Variants in PPIE observed in about 807,000 individuals in gnomAD.
PPIE encodes the protein peptidyl-prolyl cis-trans isomerase E.
PPIE carries 20 observed loss-of-function variants against 38.4 expected under a neutral mutation model. That is an observed-to-expected ratio of 0.52 (90% CI 0.37 to 0.76). The LOEUF (loss-of-function observed/expected upper bound fraction) is 0.76, where lower values mean the gene tolerates loss of function less well. Among genes scored for constraint, PPIE ranks in the 30% least tolerant of loss-of-function variants. The pLI, the probability that PPIE is intolerant of heterozygous loss-of-function variation, is 0.00. For synonymous variants in PPIE, 142 were observed against 135.7 expected (o/e 1.05, Z -0.32); for missense variants, 322 against 385.8 (o/e 0.83, Z 1.39).
intron 8 of PPIE, among the ~76,000 whole-genome samples, chr1:39,751,879 C>T (rs775082878): frequency 6.6e-5 from 10 of 152,178 alleles, no homozygotes; most frequent in Non-Finnish European, 1.5e-4. Context: ...CAGAGGATCA[C>T]GTGAGTTCAG....
At chr1:39,741,516 C>A (rs536462089) in intron 3 of PPIE, 107 bp downstream of exon 3, 122 of 1,154,354 alleles carry the variant, frequency 1.1e-4, no homozygotes, top group Non-Finnish European at 1.5e-4. Flanking sequence ...TAGGCTGATG[C>A]TTCCAGAGAG....
At chr1:39,753,220 G>C (rs1647933890) in intron 9 of PPIE, 67 bp from the exon 10 acceptor site, 1 of 1,600,518 alleles carries the variant, frequency 6.2e-7, no homozygotes, top group Non-Finnish European at 8.5e-7. Flanking sequence ...TGGGCAGGCA[G>C]GGGTTGGTAT....
chr1:39,753,189 T>G, intron 9 of PPIE, 98 bp from the exon 10 acceptor site: 1 of 1,586,912 alleles, frequency 6.3e-7, no homozygotes, highest in East Asian at 2.2e-5. Context: ...CTGCCCAGGT[T>G]CCGGGGTGGA....
intron 5 of PPIE, 148 bp from the exon 6 acceptor site, chr1:39,743,675 TG>T: frequency 3.1e-6 from 2 of 636,978 alleles, no homozygotes; most frequent in Non-Finnish European, 5.4e-6. Context: ...ACATTCTGGA[TG>T]GGAACTTTCC....
chr1:39,762,396 C>T, intron 9 of PPIE: 2 of 1,303,190 alleles, frequency 1.5e-6, no homozygotes, highest in Non-Finnish European at 2.1e-6. Flanking sequence ...ATACCAGGAA[C>T]TGGGATTCTA....
Position 39,754,571 on chromosome 1 carries a change from A to G in PPIE, c.*1216A>G, listed in dbSNP as rs903566844. On this transcript the variant is annotated 3_prime_UTR_variant, in exon 10 of 10. Transcript: ENST00000324379. ...TACTGACTTAAATATTAATCCATCTAAAAAATAGGCCAGGCATGGTGGCTC... is the reference window on the plus strand; with the variant it reads ...TACTGACTTAAATATTAATCCATCTGAAAAATAGGCCAGGCATGGTGGCTC... Among the ~76,000 whole-genome samples, 1 of 152,188 alleles carries G rather than the reference A, an allele frequency of 6.6e-6. No individual in the cohort carries two copies. Among genetic ancestry groups the G allele is most frequent in the Non-Finnish European group, 1.5e-5 (1 of 68,044 alleles).
chr1:39,759,319 G>A (rs1648636436), downstream of PPIE: 1 of 152,342 alleles, frequency 6.6e-6, no homozygotes, highest in Admixed American at 6.5e-5. Context: ...TGATCAGCCT[G>A]TTTTTGATGG....
Position 39,753,578 on chromosome 1 carries a change from C to T in PPIE, c.*223C>T, listed in dbSNP as rs1291935404. 1.5e-6 allele frequency: 2 copies of T among 1,371,840 alleles called. No individual in the cohort carries two copies. Among genetic ancestry groups the T allele is most frequent in the African/African-American group, 2.9e-5 (2 of 67,976 alleles). The allele number at this position is 1,371,840 out of a possible 1,614,324, so 85.0% of individuals were successfully genotyped here. A position where few individuals can be genotyped will look rare whatever the true frequency, so the allele number is the denominator to read the frequency against. On this transcript the variant is annotated 3_prime_UTR_variant, in exon 10 of 10. Transcript: ENST00000324379. The stretch of plus-strand genomic sequence containing the variant: ...CAGGAGCCAGCTCAGGTGCTCCCCT[C>T]CACCATGGGCAGGCTGTGCAAAAAG...
intron 4 of PPIE, 107 bp from the exon 5 acceptor site, chr1:39,743,109 G>A: frequency 1.0e-6 from 1 of 977,540 alleles, no homozygotes; most frequent in East Asian, 2.6e-5. Context: ...GAGGCCCAGG[G>A]ATTAAGGGAG....
Position 39,739,009 on chromosome 1 carries a change from C to G in PPIE, c.31+78C>G, listed in dbSNP as rs900377512. 2.2e-6 allele frequency: 3 copies of G among 1,349,750 alleles called. No homozygotes were observed. In the East Asian group the frequency reaches 8.8e-5, roughly 40 times the overall value. 83.6% of individuals were successfully genotyped at this position (1,349,750 alleles called of 1,614,324 possible). On this transcript the variant is annotated intron_variant, in intron 1 of 9. Coordinates refer to ENST00000324379, the MANE Select transcript of PPIE (RefSeq NM_006112.4). ...TCGGGGCGTGGGGTGGGACGCATCT[C>G]TGAACCAGGAGGACGGCGAGCTGCT...
chr1:39,752,874 A>G, intron 8 of PPIE, 36 bp from the exon 9 acceptor site: 10 of 1,595,408 alleles, frequency 6.3e-6, no homozygotes, highest in Non-Finnish European at 8.5e-6. Context: ...GCTGGTAGCC[A>G]GGGTTCGGGG....
In PPIE at chr1:39,753,331, C is replaced by T. The variant is rs146467977; in HGVS notation, c.882C>T (p.Ile294=). The change falls in exon 10 of 10, where the codon ATC becomes ATT. Residue 294 remains isoleucine (I), a synonymous_variant. Transcript: ENST00000324379. ...GGAAGCCAAAGCAGAAGGTGATCATCGCCGACTGTGGGGAGTACGTGTGAG... is the reference window on the plus strand; with the variant it reads ...GGAAGCCAAAGCAGAAGGTGATCATTGCCGACTGTGGGGAGTACGTGTGAG... ...KDGKPKQKVI[I]ADCGEYV 2.0e-5 allele frequency: 32 copies of T among 1,614,060 alleles called. No individual in the cohort carries two copies. The highest frequency in any genetic ancestry group is 1.7e-4 in the African/African-American group (13 of 74,944).
At chr1:39,760,576 G>C, downstream of PPIE, 1 of 1,613,024 alleles carries the variant, frequency 6.2e-7, no homozygotes, top group South Asian at 1.1e-5. Flanking sequence ...CACCTGGCCA[G>C]GAAGAGGGCA....
At chr1:39,762,035 A>G (rs1286424999) in intron 9 of PPIE, among the ~76,000 whole-genome samples, 1 of 152,180 alleles carries the variant, frequency 6.6e-6, no homozygotes, top group East Asian at 1.9e-4. Context: ...TGAGAACCAC[A>G]CGGCATAAAG....
At chr1:39,759,616 C>T (rs1357572703), downstream of PPIE, 1 of 152,242 alleles carries the variant, frequency 6.6e-6, no homozygotes, top group Non-Finnish European at 1.5e-5. Context: ...CATGCTTGCT[C>T]AGCAAAGGGA....
chr1:39,738,912 C>T lies in PPIE; in HGVS notation c.12C>T (p.Thr4=), dbSNP rs200069647. The change falls in exon 1 of 10, where the codon ACC becomes ACT. Residue 4 remains threonine (T), a synonymous_variant. Transcript: ENST00000324379. ...AGCGCGCGAGCAAGATGGCCACCAC[C>T]AAGCGCGTCTTGTACGTGGGTGAGC... The part of the protein sequence containing the change: MAT[T]KRVLYVGGLA... The T allele has an allele frequency of 1.1e-5, 16 of 1,504,764 alleles. No individual in the cohort carries two copies. In the East Asian group the frequency reaches 2.7e-4, roughly 25 times the overall value. 93.2% of individuals were successfully genotyped at this position (1,504,764 alleles called of 1,614,324 possible).
chr1:39,746,185 C>G (rs1440248768), intron 7 of PPIE: 1 of 152,190 alleles, frequency 6.6e-6, no homozygotes, highest in African/African-American at 2.4e-5. Flanking sequence ...CTTCCCTGCC[C>G]CCTCATCTTC....
In PPIE at chr1:39,753,722, T is replaced by C. The variant is rs556649034; in HGVS notation, c.*367T>C. 3.0e-5 allele frequency: 31 copies of C among 1,038,734 alleles called. No homozygotes were observed. In the South Asian group the frequency reaches 9.9e-4, roughly 33 times the overall value. The allele number at this position is 1,038,734 out of a possible 1,614,324, so 64.3% of individuals were successfully genotyped here. ...TTATATTGCTCTTCCTGCTAGTTCT[T>C]GGGAGTTGTCAGAGATTGTGTCTGT... On this transcript the variant is annotated 3_prime_UTR_variant, in exon 10 of 10. Coordinates refer to ENST00000324379, the MANE Select transcript of PPIE (RefSeq NM_006112.4).
At chr1:39,739,026 C>T in intron 1 of PPIE, 95 bp downstream of exon 1, 3 of 1,294,670 alleles carry the variant, frequency 2.3e-6, no homozygotes, top group Non-Finnish European at 3.0e-6. Flanking sequence ...AGGAGGACGG[C>T]GAGCTGCTGT....
Sources: gnomAD v4.1 joint callset for allele counts (sites outside exome capture counted in the v4.1 genomes callset) on GRCh38, gnomAD v4.1.1 for gene constraint, MANE v1.5 for transcripts, NCBI Gene and HGNC (gene_info 2026-07-23, HGNC 2026-07-21) for gene names.